GRIN2D: variants seen among roughly 807,000 people sequenced by gnomAD.
GRIN2D encodes glutamate ionotropic receptor NMDA type subunit 2D, also known as glutamate receptor ionotropic, NMDA 2D.
Under a neutral mutation model 103.2 loss-of-function variants are expected in GRIN2D, and 37 were observed. The observed-to-expected ratio is 0.36, with a 90% CI of 0.28 to 0.47. The LOEUF is 0.47. Ranked by LOEUF, GRIN2D falls within the 20% of genes least tolerant of loss-of-function variation. GRIN2D has a pLI of 1.00. For missense variants in GRIN2D, 1,557 were observed against 1,910.6 expected, an observed-to-expected ratio of 0.81 and a Z score of 3.45; for synonymous variants, 845 against 885.6, an observed-to-expected ratio of 0.95 and a Z score of 0.81.
intron 8 of GRIN2D, among the ~76,000 whole-genome samples, chr19:48,416,745 C>CTT (rs56292890): frequency 0.41 from 57,337 of 140,924 alleles, 13,075 homozygotes; most frequent in East Asian, 0.7. Flanking sequence ...CTCTCTCTCT[C>CTT]TTTTTTTTTT....
intron 11 of GRIN2D, among the ~76,000 whole-genome samples, chr19:48,434,719 T>G (rs1412219560): frequency 6.6e-6 from 1 of 151,988 alleles, no homozygotes; most frequent in Non-Finnish European, 1.5e-5. Flanking sequence ...CAAGCTTGAG[T>G]GACCACTCCC....
At chr19:48,409,274 C>CTTTT (rs67673123) in intron 4 of GRIN2D, among the ~76,000 whole-genome samples, 36 of 103,712 alleles carry the variant, frequency 3.5e-4, no homozygotes, top group Non-Finnish European at 3.7e-4. Context: ...AATTAAATTT[C>CTTTT]TTTTTTTTTT....
chr19:48,416,023 A>G lies in GRIN2D; in HGVS notation c.1603A>G (p.Met535Val), dbSNP rs1431130685. ...CCAGGTGTTCTACCAGCGCGCAGAC[A>G]TGGCCATCGGCTCCCTCACCATCAA... ...IGEVFYQRAD[M>V]AIGSLTINEE... is the part of the protein sequence containing the mutation. The change falls in exon 8 of 14, where the codon ATG (methionine) becomes GTG (valine). Residue 535 changes from methionine to valine, a missense_variant. Coordinates refer to ENST00000263269, the MANE Select transcript of GRIN2D (RefSeq NM_000836.4). The G allele has an allele frequency of 1.2e-6, 2 of 1,613,268 alleles. No homozygotes were observed. Among genetic ancestry groups the G allele is most frequent in the African/African-American group, 2.7e-5 (2 of 74,836 alleles).
At chr19:48,425,101 C>T (rs778015156) in intron 11 of GRIN2D, among the ~76,000 whole-genome samples, 1 of 152,072 alleles carries the variant, frequency 6.6e-6, no homozygotes, top group Non-Finnish European at 1.5e-5. Flanking sequence ...TCACTTGCGC[C>T]TTCCTCAGAA....
At position 48,443,573 on chromosome 19, in the gene GRIN2D, C is replaced by T; in HGVS notation, c.3647C>T (p.Ala1216Val). 8.2e-7 allele frequency: 1 copy of T among 1,222,184 alleles called. No homozygotes were observed. The highest frequency in any genetic ancestry group is 3.5e-5 in the East Asian group (1 of 28,566). 75.7% of individuals were successfully genotyped at this position (1,222,184 alleles called of 1,614,324 possible). A position where few individuals can be genotyped will look rare whatever the true frequency, so the allele number is the denominator to read the frequency against. The change falls in exon 14 of 14, where the codon GCC becomes GTC. Residue 1216 changes from alanine (A) to valine (V), a missense_variant. Coordinates refer to ENST00000263269, the MANE Select transcript of GRIN2D (RefSeq NM_000836.4). The surrounding 1 kb of genome is among the most constrained non-coding windows in gnomAD (Gnocchi z 8.9). ...WWAPPPPPWA[A>V]GPLPRRRARC... ...GCGCCACCGCCTCCACCCTGGGCCG[C>T]CGGGCCCCTGCCCCGACGCCGGGCC...
At chr19:48,416,937 G>A (rs1454032508) in intron 8 of GRIN2D, among the ~76,000 whole-genome samples, 2 of 152,152 alleles carry the variant, frequency 1.3e-5, no homozygotes, top group East Asian at 3.9e-4. Flanking sequence ...TAGAGACGGG[G>A]TTTCACCATG....
intron 7 of GRIN2D, among the ~76,000 whole-genome samples, chr19:48,415,352 AGAGT>A (rs1305873309): frequency 2.0e-5 from 3 of 151,878 alleles, no homozygotes; most frequent in Non-Finnish European, 2.9e-5. Flanking sequence ...GCCTGGGCAC[AGAGT>A]GAGACTCAGT....
chr19:48,427,325 CAACAA>C (rs978014113), intron 11 of GRIN2D, among the ~76,000 whole-genome samples: 4 of 151,222 alleles, frequency 2.6e-5, no homozygotes, highest in South Asian at 2.1e-4. Context: ...CCTCTCAAAA[CAACAA>C]AACAAAACAA....
chr19:48,435,615 T>C (rs1971219943), intron 11 of GRIN2D, among the ~76,000 whole-genome samples: 1 of 152,110 alleles, frequency 6.6e-6, no homozygotes, highest in Non-Finnish European at 1.5e-5. Context: ...CGGCTAATTT[T>C]TGTATTTTTA....
chr19:48,440,570 GCAA>G (rs1341649411), intron 11 of GRIN2D, among the ~76,000 whole-genome samples: 2 of 152,132 alleles, frequency 1.3e-5, no homozygotes, highest in Non-Finnish European at 2.9e-5. Context: ...TCCAGCTTGG[GCAA>G]CATAGTGAGA....
chr19:48,420,838 A>G (rs1271274380), intron 10 of GRIN2D, among the ~76,000 whole-genome samples: 2 of 152,200 alleles, frequency 1.3e-5, no homozygotes, highest in Non-Finnish European at 2.9e-5. Flanking sequence ...CTGCCTAAAA[A>G]AAAGCCAAAC....
At chr19:48,431,558 A>G (rs572405161) in intron 11 of GRIN2D, among the ~76,000 whole-genome samples, 2 of 148,706 alleles carry the variant, frequency 1.3e-5, no homozygotes. Flanking sequence ...ACTGACATTT[A>G]TCAGTGACAT....
intron 3 of GRIN2D, among the ~76,000 whole-genome samples, chr19:48,403,611 C>G (rs1970745393): frequency 6.6e-6 from 1 of 152,128 alleles, no homozygotes; most frequent in Non-Finnish European, 1.5e-5. Flanking sequence ...CAGTAAGGCA[C>G]TCCTAGTGTT....
intron 11 of GRIN2D, among the ~76,000 whole-genome samples, chr19:48,423,639 G>A (rs1333904418): frequency 6.6e-6 from 1 of 152,072 alleles, no homozygotes; most frequent in Non-Finnish European, 1.5e-5. Context: ...TGCAGTGTTG[G>A]TTTACTGGAG....
At chr19:48,402,736 A>G (rs912701272) in intron 3 of GRIN2D, among the ~76,000 whole-genome samples, 35 of 147,110 alleles carry the variant, frequency 2.4e-4, no homozygotes, top group Non-Finnish European at 4.6e-4. Context: ...AAAAAAAAAA[A>G]AAAAAAAAAA....
At chr19:48,413,925 C>G (rs1970908862) in intron 4 of GRIN2D, 66 bp from the exon 5 acceptor site, 1 of 895,304 alleles carries the variant, frequency 1.1e-6, no homozygotes, top group South Asian at 1.3e-5. Context: ...AGGGGACTTT[C>G]TCTGCCTTCC....
At chr19:48,428,305 G>A (rs1278085089) in intron 11 of GRIN2D, among the ~76,000 whole-genome samples, 2 of 150,032 alleles carry the variant, frequency 1.3e-5, no homozygotes, top group African/African-American at 4.9e-5. Flanking sequence ...CCAAAGTGCT[G>A]GGATTACAGG....
Position 48,419,603 on chromosome 19 carries a change from T to A in GRIN2D, c.1880T>A (p.Phe627Tyr). ...ATGKRPGGST[F>Y]TIGKSIWLLW... The stretch of plus-strand genomic sequence containing the variant: ...CCTGCAGGCCCTGGCGGTTCAACCT[T>A]CACCATTGGGAAATCCATCTGGCTG... The change falls in exon 10 of 14, where the codon TTC becomes TAC. Residue 627 changes from phenylalanine (F) to tyrosine (Y), a missense_variant. Physicochemically the swap from Phe to Tyr is conservative, Grantham distance 22. Coordinates refer to ENST00000263269, the MANE Select transcript of GRIN2D (RefSeq NM_000836.4). The A allele has an allele frequency of 6.2e-7, 1 of 1,613,328 alleles. No individual in the cohort carries two copies. The highest frequency in any genetic ancestry group is 1.1e-5 in the South Asian group (1 of 91,038).
chr19:48,404,853 T>C lies in GRIN2D; in HGVS notation c.585T>C (p.Pro195=), dbSNP rs1458788935. 9 of 1,614,202 alleles carry C rather than the reference T, an allele frequency of 5.6e-6. No homozygotes were observed. Among genetic ancestry groups the C allele is most frequent in the Non-Finnish European group, 6.8e-6 (8 of 1,180,034 alleles). The part of the protein sequence containing the change: ...TSFVAVTTRA[P]GHRAFLSYIE... ...TTGTAGCCGTGACCACTCGTGCCCC[T>C]GGCCACCGGGCCTTCCTGTCCTACA... is the stretch of plus-strand genomic sequence containing the variant. Residue 195 remains proline, a synonymous_variant, in exon 4 of 14, where the codon CCT becomes CCC. Transcript: ENST00000263269.
Sources: allele counts gnomAD v4.1 joint callset (sites outside exome capture counted in the v4.1 genomes callset), GRCh38; gene constraint gnomAD v4.1.1; non-coding constraint Gnocchi (gnomAD v3.1); transcripts MANE v1.5; gene names NCBI Gene and HGNC (gene_info 2026-07-23, HGNC 2026-07-21).